DSE: variants seen among roughly 807,000 people sequenced by gnomAD.
DSE encodes the protein dermatan-sulfate epimerase.
A neutral mutation model predicts 84.4 loss-of-function variants in DSE; 36 were observed. The observed-to-expected ratio is 0.43, with a 90% CI of 0.33 to 0.56. DSE has a LOEUF of 0.56. Among genes scored for constraint, DSE ranks in the 20% least tolerant of loss-of-function variants. The probability of loss-of-function intolerance (pLI) is 0.06; values close to 1 mark genes in which losing one functional copy is unlikely to be tolerated. For missense variants in DSE, 862 were observed against 1,169.6 expected, an observed-to-expected ratio of 0.74 and a Z score of 3.84; for synonymous variants, 410 against 430.1, an observed-to-expected ratio of 0.95 and a Z score of 0.58.
At chr6:116,299,551 TACACATACACACACACACACACATAC>T (rs1774902372) in intron 2 of DSE, among the ~76,000 whole-genome samples, 10 of 53,592 alleles carry the variant, frequency 1.9e-4, no homozygotes, top group East Asian at 2.3e-3. Flanking sequence ...TATATATATA[TACACATACACACACACACACACATAC>T]ATATATATGT....
At chr6:116,373,557 G>A (rs991076123) in intron 1 of DSE, among the ~76,000 whole-genome samples, 1 of 152,202 alleles carries the variant, frequency 6.6e-6, no homozygotes, top group Non-Finnish European at 1.5e-5. Context: ...ACTAATGTTT[G>A]TGTGTACATC....
chr6:116,276,240 A>T (rs73767709), intron 2 of DSE, among the ~76,000 whole-genome samples: 6,047 of 152,306 alleles, frequency 0.04, 182 homozygotes, highest in African/African-American at 0.08. Flanking sequence ...GTTTTTACAG[A>T]TGAGAAAGTA....
intron 2 of DSE, among the ~76,000 whole-genome samples, chr6:116,297,794 G>C (rs1430034283): frequency 6.6e-6 from 1 of 152,182 alleles, no homozygotes; most frequent in African/African-American, 2.4e-5. Context: ...CCATGTTAGG[G>C]GATGTCTGCC....
chr6:116,342,566 A>G (rs1777675504), intron 2 of DSE, among the ~76,000 whole-genome samples: 1 of 152,222 alleles, frequency 6.6e-6, no homozygotes, highest in African/African-American at 2.4e-5. Flanking sequence ...GGCATGAGCC[A>G]CCGCACCTGG....
intron 2 of DSE, among the ~76,000 whole-genome samples, chr6:116,359,466 T>C (rs1778763559): frequency 1.3e-5 from 2 of 152,246 alleles, no homozygotes; most frequent in South Asian, 4.1e-4. Flanking sequence ...AATTTAAATA[T>C]ACTTTTCTTC....
At chr6:116,399,049 CT>C in intron 1 of DSE, 148 bp from the exon 2 acceptor site, 1 of 639,372 alleles carries the variant, frequency 1.6e-6, no homozygotes, top group South Asian at 2.1e-5. Context: ...TAGTAATTTT[CT>C]TCCTAATTAA....
intron 2 of DSE, chr6:116,277,659 G>A: frequency 6.6e-6 from 1 of 152,068 alleles, no homozygotes. Context: ...TTTAAGAGAG[G>A]ATTGGGAGGC....
intron 2 of DSE, among the ~76,000 whole-genome samples, chr6:116,333,484 CTT>C (rs1777072398): frequency 6.6e-6 from 1 of 152,202 alleles, no homozygotes; most frequent in African/African-American, 2.4e-5. Context: ...GACTTAATCA[CTT>C]TGTAAACTCC....
intron 2 of DSE, among the ~76,000 whole-genome samples, chr6:116,330,254 C>A (rs1200936607): frequency 1.3e-5 from 2 of 152,160 alleles, no homozygotes; most frequent in Non-Finnish European, 2.9e-5. Flanking sequence ...TCACTGCCTG[C>A]ATTTCTTTTC....
intron 2 of DSE, among the ~76,000 whole-genome samples, chr6:116,263,338 T>A (rs1255501743): frequency 6.6e-6 from 1 of 151,578 alleles, no homozygotes; most frequent in Admixed American, 6.6e-5. Context: ...TGAATACTGT[T>A]TTGCCATTAT....
chr6:116,436,963 A>G lies in DSE; in HGVS notation c.2495A>G (p.Asn832Ser), dbSNP rs774802002. 2.4e-5 allele frequency: 38 copies of G among 1,613,950 alleles called. No individual in the cohort carries two copies. The highest frequency in any genetic ancestry group is 2.8e-5 in the Non-Finnish European group (33 of 1,180,010). ...VPDIFAQIEV[N>S]EKKIRQKAQI... ...GATATTTTTGCACAGATTGAAGTCAATGAGAAAAAGATTAGACAGAAAGCT... is the reference window on the plus strand; with the variant it reads ...GATATTTTTGCACAGATTGAAGTCAGTGAGAAAAAGATTAGACAGAAAGCT... The change falls in exon 6 of 6, where the codon AAT becomes AGT. Residue 832 changes from asparagine (N) to serine (S), a missense_variant. Physicochemically the swap from Asn to Ser is conservative, Grantham distance 46. Around this residue, in one of 4 missense-constraint regions of DSE, gnomAD observed 315 missense variants for 348.1 expected, o/e 0.90. Transcript: ENST00000644252.
chr6:116,254,435 A>G, intron 1 of DSE: 1 of 370,198 alleles, frequency 2.7e-6, no homozygotes, highest in Non-Finnish European at 5.4e-6. Context: ...TGAGTAGGAA[A>G]GTGGATTCAC....
chr6:116,383,883 A>G (rs961838543), intron 1 of DSE, among the ~76,000 whole-genome samples: 2 of 152,194 alleles, frequency 1.3e-5, no homozygotes, highest in African/African-American at 4.8e-5. Flanking sequence ...CTCAAAAATT[A>G]TTTCCTGACT....
chr6:116,444,224 TA>T lies in DSE; in HGVS notation c.*6880del, dbSNP rs1313410348. 6.6e-6 allele frequency: 1 copy of T among 152,236 alleles called. No individual in the cohort carries two copies. The highest frequency in any genetic ancestry group is 2.4e-5 in the African/African-American group (1 of 41,458). The allele number at this position is 152,236 out of a possible 1,614,324, so 9.4% of individuals were successfully genotyped here. Reference sequence around the variant, plus strand: ...TGAAAGATTAATTCACAGAATTTTTTATCACAGTTGAAATATCAATTGCAAT... The same window carrying T: ...TGAAAGATTAATTCACAGAATTTTTTTCACAGTTGAAATATCAATTGCAAT... On this transcript the variant is annotated 3_prime_UTR_variant, in exon 6 of 6. Transcript: ENST00000644252.
chr6:116,255,633 C>G (rs117215981), intron 1 of DSE: 1 of 152,174 alleles, frequency 6.6e-6, no homozygotes, highest in African/African-American at 2.4e-5. Context: ...ATTGAGGTAT[C>G]GTCTTTGTAA....
rs1241684998 is a variant in DSE at position 116,440,364 on chromosome 6, C to G, written c.*3019C>G. 1 of 152,128 alleles carries G rather than the reference C, an allele frequency of 6.6e-6. No homozygotes were observed. Among genetic ancestry groups the G allele is most frequent in the African/African-American group, 2.4e-5 (1 of 41,404 alleles). The allele number at this position is 152,128 out of a possible 1,614,324, so 9.4% of individuals were successfully genotyped here. A position where few individuals can be genotyped will look rare whatever the true frequency, so the allele number is the denominator to read the frequency against. ...CCAGGCTGAAGTGTAGTGGCGTGAT[C>G]GTAGCTCACTGCAGCCGCAAACTTC... On this transcript the variant is annotated 3_prime_UTR_variant, in exon 6 of 6. Transcript: ENST00000644252.
rs1206575161 is a variant in DSE, at chr6:116,444,117, G to T, written c.*6772G>T. 6.6e-6 allele frequency: 1 copy of T among 152,188 alleles called. No individual in the cohort carries two copies. Among genetic ancestry groups the T allele is most frequent in the Non-Finnish European group, 1.5e-5 (1 of 68,026 alleles). The allele number at this position is 152,188 out of a possible 1,614,324, so 9.4% of individuals were successfully genotyped here. A position where few individuals can be genotyped will look rare whatever the true frequency, so the allele number is the denominator to read the frequency against. On this transcript the variant is annotated 3_prime_UTR_variant, in exon 6 of 6. Transcript: ENST00000644252. ...AGGTCATTTAGTAGAGTTCTGAAGA[G>T]AATTCTTAGAGCACTCTATATATTC...
At chr6:116,397,357 C>CA (rs1327044098) in intron 1 of DSE, among the ~76,000 whole-genome samples, 1 of 151,404 alleles carries the variant, frequency 6.6e-6, no homozygotes, top group Non-Finnish European at 1.5e-5. Flanking sequence ...CAGGCACCCC[C>CA]CACCACACCT....
At chr6:116,272,788 C>T (rs2114617137) in intron 2 of DSE, among the ~76,000 whole-genome samples, 1 of 152,184 alleles carries the variant, frequency 6.6e-6, no homozygotes, top group Non-Finnish European at 1.5e-5. Context: ...AACCATGAAG[C>T]TAGATGACTA....
Sources: allele counts gnomAD v4.1 joint callset (sites outside exome capture counted in the v4.1 genomes callset), GRCh38; gene constraint gnomAD v4.1.1; regional missense constraint gnomAD v4.1.1; transcripts MANE v1.5; gene names NCBI Gene and HGNC (gene_info 2026-07-23, HGNC 2026-07-21).